Variants in DNAH11 observed in about 807,000 individuals in gnomAD.
The protein encoded by DNAH11 is dynein axonemal heavy chain 11.
DNAH11 carries 442 observed loss-of-function variants against 526.0 expected under a neutral mutation model. The ratio of observed to expected loss-of-function variants is 0.84; its 90% CI spans 0.78 to 0.91. The LOEUF is 0.91. Among genes scored for constraint, DNAH11 ranks in the 40% least tolerant of loss-of-function variants. The pLI, the probability that DNAH11 is intolerant of heterozygous loss-of-function variation, is 0.00. For synonymous variants in DNAH11, 2,461 were observed against 1,935.9 expected (o/e 1.27, Z -7.12); for missense variants, 6,989 against 5,448.7 (o/e 1.28, Z -8.90).
chr7:21,864,277 T>C (rs546411810), intron 69 of DNAH11, among the ~76,000 whole-genome samples: 4 of 152,372 alleles, frequency 2.6e-5, no homozygotes, highest in Non-Finnish European at 4.4e-5. Flanking sequence ...ATTTTAAATA[T>C]GTTGCTAATA....
intron 76 of DNAH11, among the ~76,000 whole-genome samples, chr7:21,885,169 T>TGAAAAAA (rs367811733): frequency 2.2e-5 from 2 of 89,382 alleles, no homozygotes; most frequent in Non-Finnish European, 4.7e-5. Flanking sequence ...CCAAATGAAC[T>TGAAAAAA]ATAAAAAAAA....
rs77987965 is a variant in DNAH11, at chr7:21,788,600, C to T, written c.9925-641C>T. Among the ~76,000 whole-genome samples, 1,504 of 152,112 alleles carry T rather than the reference C, an allele frequency of 9.9e-3. 24 individuals are homozygous for T. Among genetic ancestry groups the T allele is most frequent in the African/African-American group, 0.034 (1,414 of 41,500 alleles). ...CCCACCAGCAGAAAAAAAATTGATC[C>T]ACCTAAATTCTCAGATGGTCCATTC... is the stretch of plus-strand genomic sequence containing the variant. On this transcript the variant is annotated intron_variant, in intron 60 of 81. Coordinates refer to ENST00000409508, the MANE Select transcript of DNAH11 (RefSeq NM_001277115.2).
At chr7:21,615,964 T>C (rs1785758308) in intron 21 of DNAH11, among the ~76,000 whole-genome samples, 1 of 152,192 alleles carries the variant, frequency 6.6e-6, no homozygotes, top group Admixed American at 6.5e-5. Flanking sequence ...TGATGGTATG[T>C]GTATGGAATT....
At chr7:21,584,394 C>T (rs1784416373) in intron 9 of DNAH11, among the ~76,000 whole-genome samples, 2 of 151,934 alleles carry the variant, frequency 1.3e-5, no homozygotes, top group Admixed American at 1.3e-4. Flanking sequence ...CACATGGACA[C>T]AGAGAGGGGA....
At chr7:21,660,912 C>T (rs189715321) in intron 30 of DNAH11, among the ~76,000 whole-genome samples, 1 of 152,060 alleles carries the variant, frequency 6.6e-6, no homozygotes, top group Non-Finnish European at 1.5e-5. Context: ...CAGATCCACA[C>T]TAAAAGTGAC....
At chr7:21,756,866 A>C (rs1378985158) in intron 54 of DNAH11, among the ~76,000 whole-genome samples, 1 of 152,196 alleles carries the variant, frequency 6.6e-6, no homozygotes, top group African/African-American at 2.4e-5. Context: ...CTCTTCCGGG[A>C]ATGTGGCACG....
At chr7:21,739,915 C>T (rs1248733299) in intron 48 of DNAH11, among the ~76,000 whole-genome samples, 2 of 152,144 alleles carry the variant, frequency 1.3e-5, no homozygotes, top group Non-Finnish European at 2.9e-5. Flanking sequence ...TTCCTATGTA[C>T]TCTCTTAATG....
At chr7:21,838,047 A>G (rs1229542595) in intron 65 of DNAH11, among the ~76,000 whole-genome samples, 1 of 152,244 alleles carries the variant, frequency 6.6e-6, no homozygotes, top group Non-Finnish European at 1.5e-5. Flanking sequence ...CGTGAACTAT[A>G]CAGTGAATAG....
At chr7:21,711,523 A>G (rs1251546402) in intron 41 of DNAH11, among the ~76,000 whole-genome samples, 189 bp from the exon 42 acceptor site, 1 of 152,240 alleles carries the variant, frequency 6.6e-6, no homozygotes, top group African/African-American at 2.4e-5. Flanking sequence ...AAGTCCATTT[A>G]GGTGAGTTTG....
At chr7:21,749,467 GAC>G (rs1182956543) in intron 52 of DNAH11, among the ~76,000 whole-genome samples, 2 of 152,212 alleles carry the variant, frequency 1.3e-5, no homozygotes, top group Admixed American at 6.5e-5. Context: ...CCAGAAACAC[GAC>G]ACTCAACCTT....
chr7:21,864,610 C>G lies in DNAH11; in HGVS notation c.11449C>G (p.Leu3817Val). The G allele has an allele frequency of 6.2e-7, 1 of 1,609,914 alleles. No homozygotes were observed. Among genetic ancestry groups the G allele is most frequent in the Non-Finnish European group, 8.5e-7 (1 of 1,177,948 alleles). ...LLRFTVEHTH[L>V]SPVDFLTSQS... is the part of the protein sequence containing the mutation. ...TCGATTCACAGTTGAACACACTCATCTGAGTCCCGTTGACTTCCTAACTTC... is the reference window on the plus strand; with the variant it reads ...TCGATTCACAGTTGAACACACTCATGTGAGTCCCGTTGACTTCCTAACTTC... The change falls in exon 70 of 82, where the codon CTG (leucine) becomes GTG (valine). Residue 3817 changes from leucine (L) to valine (V), a missense_variant. By Grantham distance (32) the Leu-to-Val change is conservative. Coordinates refer to ENST00000409508, the MANE Select transcript of DNAH11 (RefSeq NM_001277115.2).
chr7:21,787,366 A>G (rs1411691737), intron 59 of DNAH11, 35 bp from the exon 60 acceptor site: 2 of 1,570,784 alleles, frequency 1.3e-6, no homozygotes, highest in East Asian at 4.5e-5. Context: ...TGCAGCCAAA[A>G]TGGGTTCATT....
intron 8 of DNAH11, among the ~76,000 whole-genome samples, chr7:21,576,504 T>C (rs1784099135): frequency 6.6e-6 from 1 of 152,188 alleles, no homozygotes; most frequent in Non-Finnish European, 1.5e-5. Flanking sequence ...ATGGATAATA[T>C]GTTTGATCCT....
chr7:21,807,839 A>G lies in DNAH11; in HGVS notation c.10166-44A>G, dbSNP rs6969900. The G allele has an allele frequency of 0.39, 601,905 of 1,552,534 alleles. 126,709 individuals carry two copies. Among genetic ancestry groups the G allele is most frequent in the East Asian group, 0.83 (36,026 of 43,588 alleles). On this transcript the variant is annotated intron_variant, in intron 62 of 81. Transcript: ENST00000409508. ...TGCATTAAGCATTTGTGGAGTTGAC[A>G]TTCAGCCTGCAATTACAGCTGAGTA...
rs112211039 is a variant in DNAH11, at chr7:21,566,084, T to G, written c.1194+1687T>G. Among the ~76,000 whole-genome samples, 771 of 152,276 alleles carry G rather than the reference T, an allele frequency of 5.1e-3. 13 individuals are homozygous for G. The highest frequency in any genetic ancestry group is 0.018 in the African/African-American group (729 of 41,548). On this transcript the variant is annotated intron_variant, in intron 6 of 81. Coordinates refer to ENST00000409508, the MANE Select transcript of DNAH11 (RefSeq NM_001277115.2). ...CCAAACCCCTTTTTAGGGACCTATTTCTCATTTTGAGAATAATTGAAACTG... is the reference window on the plus strand; with the variant it reads ...CCAAACCCCTTTTTAGGGACCTATTGCTCATTTTGAGAATAATTGAAACTG...
chr7:21,608,113 T>A (rs1315798920), intron 20 of DNAH11, among the ~76,000 whole-genome samples: 1 of 151,874 alleles, frequency 6.6e-6, no homozygotes, highest in African/African-American at 2.4e-5. Flanking sequence ...CCGTAACTTT[T>A]AACCATAGTC....
chr7:21,638,702 GT>G (rs1286417640), intron 27 of DNAH11, among the ~76,000 whole-genome samples: 3 of 148,626 alleles, frequency 2.0e-5, no homozygotes, highest in Non-Finnish European at 4.4e-5. Flanking sequence ...GTGTGTGTGT[GT>G]GTGTGTGTGT....
At chr7:21,780,841 A>G (rs1040361151) in intron 57 of DNAH11, among the ~76,000 whole-genome samples, 4 of 152,176 alleles carry the variant, frequency 2.6e-5, no homozygotes, top group African/African-American at 7.2e-5. Context: ...GTTGTAGACT[A>G]TTAGGGATAT....
At chr7:21,833,554 G>A (rs992772804) in intron 65 of DNAH11, among the ~76,000 whole-genome samples, 44 of 152,154 alleles carry the variant, frequency 2.9e-4, no homozygotes, top group African/African-American at 1.0e-3. Flanking sequence ...AATTAGCCCA[G>A]CATGATGGCA....
Sources: gnomAD v4.1 joint callset for allele counts (sites outside exome capture counted in the v4.1 genomes callset) on GRCh38, gnomAD v4.1.1 for gene constraint, MANE v1.5 for transcripts, NCBI Gene and HGNC (gene_info 2026-07-23, HGNC 2026-07-21) for gene names.